The following ABCB10 variants were observed in gnomAD, a reference collection of about 807,000 sequenced individuals.
The protein encoded by ABCB10 is ATP-binding cassette sub-family B member 10, mitochondrial.
Under a neutral mutation model 65.4 loss-of-function variants are expected in ABCB10, and 54 were observed. The ratio of observed to expected loss-of-function variants is 0.83; its 90% confidence interval spans 0.66 to 1.04. The LOEUF is 1.04. Among genes scored for constraint, ABCB10 ranks in the 50% least tolerant of loss-of-function variants. The probability of loss-of-function intolerance (pLI) is 0.00; values close to 1 mark genes in which losing one functional copy is unlikely to be tolerated. For missense variants in ABCB10, 846 were observed against 976.6 expected (o/e 0.87, Z 1.78); for synonymous variants, 418 against 406.5 (o/e 1.03, Z -0.34).
chr1:229,531,243 C>T (rs446924), intron 7 of ABCB10, among the ~76,000 whole-genome samples: 9,668 of 152,246 alleles, frequency 0.064, 389 homozygotes, highest in Middle Eastern at 0.16. Context: ...TCTGATTCCT[C>T]CTCCCTTATT....
chr1:229,533,146 T>A (rs1662625091), intron 6 of ABCB10, among the ~76,000 whole-genome samples: 1 of 151,978 alleles, frequency 6.6e-6, no homozygotes, highest in South Asian at 2.1e-4. Flanking sequence ...GAACCATTAT[T>A]ATTATTTTTT....
chr1:229,523,211 G>A (rs940200582), intron 10 of ABCB10, among the ~76,000 whole-genome samples: 1 of 152,090 alleles, frequency 6.6e-6, no homozygotes, highest in African/African-American at 2.4e-5. Flanking sequence ...GAGTCAGCAG[G>A]ATCTGTGTTG....
chr1:229,549,309 A>G lies in ABCB10; in HGVS notation c.643T>C (p.Cys215Arg). The G allele has an allele frequency of 6.2e-7, 1 of 1,614,120 alleles. No individual in the cohort carries two copies. ...VDYSDNLTRL[C>R]LGLSAVFLCG... The stretch of plus-strand genomic sequence containing the variant: ...AGAAACACGGCACTGAGCCCTAGGC[A>G]GAGGCGGGTCAGGTTGTCGCTGTAG... Residue 215 changes from cysteine (C) to arginine (R), a missense_variant, in exon 2 of 13, where the codon TGC becomes CGC. Cys to Arg is a radical substitution (Grantham distance 180). Coordinates refer to ENST00000344517, the MANE Select transcript of ABCB10 (RefSeq NM_012089.3).
rs1293975255 is a variant in ABCB10, at chr1:229,558,460, C to A, written c.193G>T (p.Ala65Ser). Residue 65 changes from alanine (A) to serine (S), a missense_variant, in exon 1 of 13, where the codon GCG (alanine) becomes TCG (serine). This residue lies in a region of ABCB10 where 214 missense variants were observed against 173.5 expected (regional missense o/e 1.23). Coordinates refer to ENST00000344517, the MANE Select transcript of ABCB10 (RefSeq NM_012089.3). ...CGGCAGCCGCTCCTCCAGCGGCGCGCGGCTCCAACGCCCCAGAGCAGCGCG... is the reference window on the plus strand; with the variant it reads ...CGGCAGCCGCTCCTCCAGCGGCGCGAGGCTCCAACGCCCCAGAGCAGCGCG... ...GPALLWGVGA[A>S]RRWRSGCRGG... 2 of 1,227,984 alleles carry A rather than the reference C, an allele frequency of 1.6e-6. No homozygotes were observed. The highest frequency in any genetic ancestry group is 1.6e-5 in the African/African-American group (1 of 62,634). 76.1% of individuals were successfully genotyped at this position (1,227,984 alleles called of 1,614,324 possible).
chr1:229,540,577 T>G (rs1361635680), intron 5 of ABCB10, 29 bp downstream of exon 5: 4 of 1,580,948 alleles, frequency 2.5e-6, no homozygotes, highest in Middle Eastern at 2.3e-4. Flanking sequence ...CATTTGCCAA[T>G]TTTACTTTTT....
At chr1:229,528,769 C>G (rs1662501112) in intron 8 of ABCB10, among the ~76,000 whole-genome samples, 1 of 151,826 alleles carries the variant, frequency 6.6e-6, no homozygotes, top group African/African-American at 2.4e-5. Flanking sequence ...CTCAAGTGAT[C>G]CTCCCACCTC....
At chr1:229,546,936 T>C (rs1316388605) in intron 3 of ABCB10, among the ~76,000 whole-genome samples, 1 of 152,202 alleles carries the variant, frequency 6.6e-6, no homozygotes, top group Non-Finnish European at 1.5e-5. Context: ...TTTTGCTTTT[T>C]TAAATGTGGC....
At chr1:229,552,732 C>G (rs549328387) in intron 1 of ABCB10, among the ~76,000 whole-genome samples, 3 of 152,212 alleles carry the variant, frequency 2.0e-5, no homozygotes, top group Non-Finnish European at 4.4e-5. Flanking sequence ...GAGTCCTCAC[C>G]ATTATCTGAA....
At chr1:229,534,562 C>G (rs1262962679) in intron 6 of ABCB10, among the ~76,000 whole-genome samples, 1 of 150,252 alleles carries the variant, frequency 6.7e-6, no homozygotes, top group Admixed American at 6.6e-5. Context: ...CCTGTCTCTA[C>G]TAAAAAAAAA....
At chr1:229,551,984 G>A (rs939429630) in intron 1 of ABCB10, among the ~76,000 whole-genome samples, 3 of 152,066 alleles carry the variant, frequency 2.0e-5, no homozygotes, top group Admixed American at 2.0e-4. Flanking sequence ...TCTACAATAC[G>A]AATCCATATG....
intron 4 of ABCB10, among the ~76,000 whole-genome samples, 191 bp from the exon 5 acceptor site, chr1:229,540,943 CA>C (rs1558125603): frequency 6.6e-6 from 1 of 151,896 alleles, no homozygotes; most frequent in Non-Finnish European, 1.5e-5. Flanking sequence ...ATGACTAAGT[CA>C]AAAAAGAGTG....
At position 229,530,308 on chromosome 1, in the gene ABCB10, A is replaced by T. The variant is rs767822020; in HGVS notation, c.1536T>A (p.Asp512Glu). Residue 512 changes from aspartate (D) to glutamate (E), a missense_variant, in exon 8 of 13, where the codon GAT becomes GAA. Around this residue, in one of 2 missense-constraint regions of ABCB10, gnomAD observed 632 missense variants for 803.2 expected, o/e 0.79. Coordinates refer to ENST00000344517, the MANE Select transcript of ABCB10 (RefSeq NM_012089.3). ...ATCCTGACGGAATGGAAAGGCTGAA[A>T]TCCTGAAATATGGGCACCTCTGGGC... ...PARPEVPIFQ[D>E]FSLSIPSGSV... is the part of the protein sequence containing the mutation. 4.5e-5 allele frequency: 72 copies of T among 1,614,110 alleles called. No homozygotes were observed. The highest frequency in any genetic ancestry group is 5.8e-5 in the Non-Finnish European group (69 of 1,180,054).
At chr1:229,528,972 A>AAT (rs1179069965) in intron 8 of ABCB10, among the ~76,000 whole-genome samples, 1 of 152,192 alleles carries the variant, frequency 6.6e-6, no homozygotes, top group East Asian at 1.9e-4. Flanking sequence ...AATAAAATAA[A>AAT]AACTAGAATG....
intron 2 of ABCB10, among the ~76,000 whole-genome samples, chr1:229,548,343 A>G (rs1663018879): frequency 1.3e-5 from 2 of 152,138 alleles, no homozygotes; most frequent in African/African-American, 2.4e-5. Flanking sequence ...AAGTTTTATT[A>G]CATTAACTTC....
At chr1:229,555,078 G>C (rs545614382) in intron 1 of ABCB10, among the ~76,000 whole-genome samples, 8 of 152,220 alleles carry the variant, frequency 5.3e-5, no homozygotes, top group South Asian at 4.2e-4. Context: ...CCAGCGGAGG[G>C]GATACATGTG....
Position 229,518,832 on chromosome 1 carries a change from T to C in ABCB10, c.1985+9A>G. ...CACACAATGGCATATATTATTAAGATATCCTCACCTGGTTGCTTCATCTAG... is the reference window on the plus strand; with the variant it reads ...CACACAATGGCATATATTATTAAGACATCCTCACCTGGTTGCTTCATCTAG... On this transcript the variant is annotated intron_variant, in intron 12 of 12. Transcript: ENST00000344517. 1 of 1,590,894 alleles carries C rather than the reference T, an allele frequency of 6.3e-7. No homozygotes were observed. Among genetic ancestry groups the C allele is most frequent in the Non-Finnish European group, 8.5e-7 (1 of 1,170,928 alleles).
intron 12 of ABCB10, 117 bp downstream of exon 12, chr1:229,518,724 A>AG: frequency 1.1e-6 from 1 of 936,130 alleles, no homozygotes; most frequent in South Asian, 1.7e-5. Flanking sequence ...TTTAGAGTAA[A>AG]GGGGGGAAAA....
intron 1 of ABCB10, among the ~76,000 whole-genome samples, chr1:229,553,844 C>T (rs1375573392): frequency 6.6e-6 from 1 of 150,420 alleles, no homozygotes; most frequent in Non-Finnish European, 1.5e-5. Flanking sequence ...TGCCCAGTTT[C>T]CTCATTTGTA....
intron 8 of ABCB10, among the ~76,000 whole-genome samples, chr1:229,529,844 C>T (rs925201714): frequency 5.3e-5 from 8 of 152,114 alleles, no homozygotes; most frequent in African/African-American, 1.9e-4. Flanking sequence ...GCTGCTGGAG[C>T]ACCCCAGGCA....
Sources: allele counts gnomAD v4.1 joint callset (sites outside exome capture counted in the v4.1 genomes callset), GRCh38; gene constraint gnomAD v4.1.1; regional missense constraint gnomAD v4.1.1; transcripts MANE v1.5; gene names NCBI Gene and HGNC (gene_info 2026-07-23, HGNC 2026-07-21).